The following PDE8B variants were observed in gnomAD, a reference collection of about 807,000 sequenced individuals.
PDE8B encodes high affinity cAMP-specific and IBMX-insensitive 3',5'-cyclic phosphodiesterase 8B.
In PDE8B, 26 loss-of-function variants were observed where a neutral mutation model predicts 101.3. The observed-to-expected ratio is 0.26, with a 90% CI of 0.19 to 0.36. PDE8B has a LOEUF of 0.36. Among genes scored for constraint, PDE8B ranks in the 10% least tolerant of loss-of-function variants. The pLI, the probability that PDE8B is intolerant of heterozygous loss-of-function variation, is 1.00. For missense variants in PDE8B, 810 were observed against 1,163.1 expected, an observed-to-expected ratio of 0.70 and a Z score of 4.42; for synonymous variants, 424 against 429.3, an observed-to-expected ratio of 0.99 and a Z score of 0.15.
At chr5:77,189,327 G>A in the PDE8B span, among the ~76,000 whole-genome samples, 1 of 152,230 alleles carries the variant, frequency 6.6e-6, no homozygotes, top group Non-Finnish European at 1.5e-5. Context: ...AGTCAAGAAG[G>A]AAAGGAGAGG....
chr5:77,136,825 C>T, the PDE8B span, among the ~76,000 whole-genome samples: 1 of 152,178 alleles, frequency 6.6e-6, no homozygotes, highest in Non-Finnish European at 1.5e-5. Context: ...CCATCATATA[C>T]TAGAAACTTC....
chr5:77,262,838 G>T (rs1231688228), intron 1 of PDE8B, among the ~76,000 whole-genome samples: 3 of 152,180 alleles, frequency 2.0e-5, no homozygotes, highest in Non-Finnish European at 4.4e-5. Context: ...GATCTGCTTT[G>T]TTTAGGACTG....
intron 15 of PDE8B, among the ~76,000 whole-genome samples, 180 bp downstream of exon 15, chr5:77,411,901 G>C (rs1014618075): frequency 6.6e-6 from 1 of 152,210 alleles, no homozygotes; most frequent in Non-Finnish European, 1.5e-5. Flanking sequence ...AGCACAGTTA[G>C]AGTAAGAATT....
chr5:77,094,137 A>G, the PDE8B span, among the ~76,000 whole-genome samples: 3 of 152,230 alleles, frequency 2.0e-5, no homozygotes, highest in East Asian at 5.8e-4. Flanking sequence ...GAAAAATGGA[A>G]TTAAAAGATA....
At chr5:77,106,215 A>G in the PDE8B span, 2 of 152,190 alleles carry the variant, frequency 1.3e-5, no homozygotes, top group Non-Finnish European at 2.9e-5. Flanking sequence ...TGTTGGTCTT[A>G]TGCTCTATTC....
intron 7 of PDE8B, among the ~76,000 whole-genome samples, chr5:77,345,648 G>T (rs1780004723): frequency 6.6e-6 from 1 of 152,216 alleles, no homozygotes; most frequent in South Asian, 2.1e-4. Flanking sequence ...CTAAGGAAAT[G>T]TGTGTAGCAG....
chr5:77,147,191 C>A, the PDE8B span: 1 of 321,296 alleles, frequency 3.1e-6, no homozygotes, highest in South Asian at 3.3e-5. Context: ...AGTTTTTTTT[C>A]TTGTCTAGAA....
At chr5:77,316,559 G>A (rs180803725) in intron 2 of PDE8B, among the ~76,000 whole-genome samples, 14 of 152,182 alleles carry the variant, frequency 9.2e-5, no homozygotes, top group Non-Finnish European at 1.8e-4. Context: ...TGCTTGCTTA[G>A]CAGTCAAATT....
intron 14 of PDE8B, among the ~76,000 whole-genome samples, chr5:77,411,354 C>T (rs114289526): frequency 3.2e-4 from 49 of 152,306 alleles, no homozygotes; most frequent in African/African-American, 1.2e-3. Context: ...AAGGTCACTC[C>T]TGTGATTTCA....
intron 1 of PDE8B, among the ~76,000 whole-genome samples, chr5:77,249,863 GC>G (rs1173904778): frequency 1.3e-5 from 2 of 152,190 alleles, no homozygotes; most frequent in Admixed American, 1.3e-4. Context: ...TGAAGTGTGT[GC>G]ATTTGATCTC....
chr5:77,110,395 C>A, the PDE8B span, among the ~76,000 whole-genome samples: 1 of 152,068 alleles, frequency 6.6e-6, no homozygotes. Flanking sequence ...CACATGGAAT[C>A]CATGGCCTGA....
intron 1 of PDE8B, among the ~76,000 whole-genome samples, chr5:77,230,038 T>C (rs1236913927): frequency 6.6e-6 from 1 of 152,214 alleles, no homozygotes; most frequent in Non-Finnish European, 1.5e-5. Flanking sequence ...GCCGTACCAG[T>C]TTCTCTTCCC....
At chr5:77,147,041 G>T in the PDE8B span, 1 of 450,774 alleles carries the variant, frequency 2.2e-6, no homozygotes, top group South Asian at 1.7e-5. Context: ...AATATGAAAA[G>T]GATATTGCCT....
chr5:77,342,511 A>G lies in PDE8B; in HGVS notation c.798-2342A>G, dbSNP rs764075180. Among the ~76,000 whole-genome samples the G allele has an allele frequency of 1.4e-5, 2 of 143,882 alleles. 1 individual carries two copies. Among genetic ancestry groups the G allele is most frequent in the Admixed American group, 1.4e-4 (2 of 14,580 alleles). 94.4% of individuals were successfully genotyped at this position (143,882 alleles called of 152,430 possible). On this transcript the variant is annotated intron_variant, in intron 6 of 21. Coordinates refer to ENST00000264917, the MANE Select transcript of PDE8B (RefSeq NM_003719.5). ...TGAGTGGAAAAAAATAACATTTTTC[A>G]GAGTTTTTTTTTTTAAAGAAAAAAC...
At chr5:77,158,688 C>A in the PDE8B span, among the ~76,000 whole-genome samples, 2 of 152,148 alleles carry the variant, frequency 1.3e-5, no homozygotes, top group Non-Finnish European at 2.9e-5. Context: ...CACACATGCA[C>A]GTTCCTAGGT....
In PDE8B at chr5:77,349,406, C is replaced by T; in HGVS notation, c.877-13C>T. ...TGTCCCCGCACTGATCTGTACCAACCTCCCATTAACAGTATGTCAACCCAG... is the reference window on the plus strand; with the variant it reads ...TGTCCCCGCACTGATCTGTACCAACTTCCCATTAACAGTATGTCAACCCAG... On this transcript the variant is annotated splice_polypyrimidine_tract_variant and intron_variant, in intron 7 of 21. Coordinates refer to ENST00000264917, the MANE Select transcript of PDE8B (RefSeq NM_003719.5). The T allele has an allele frequency of 6.2e-7, 1 of 1,614,106 alleles. No individual in the cohort carries two copies. Among genetic ancestry groups the T allele is most frequent in the Middle Eastern group, 1.7e-4 (1 of 6,010 alleles).
chr5:77,101,269 T>C, the PDE8B span, among the ~76,000 whole-genome samples: 1 of 151,702 alleles, frequency 6.6e-6, no homozygotes, highest in Non-Finnish European at 1.5e-5. Context: ...CTGCACCAGG[T>C]CAATTTTTTT....
In PDE8B at chr5:77,322,775, C is replaced by T. The variant is rs917760670; in HGVS notation, c.400-2764C>T. ...TCACATAGCACCTGTCATTTATTACCATTCTGTATAATGTGCTTACTTAAT... is the reference window on the plus strand; with the variant it reads ...TCACATAGCACCTGTCATTTATTACTATTCTGTATAATGTGCTTACTTAAT... On this transcript the variant is annotated intron_variant, in intron 2 of 21. Coordinates refer to ENST00000264917, the MANE Select transcript of PDE8B (RefSeq NM_003719.5). 3.3e-5 allele frequency among the ~76,000 whole-genome samples: 5 copies of T among 152,198 alleles called. No homozygotes were observed. In the East Asian group the frequency reaches 9.6e-4, roughly 29 times the overall value.
intron 6 of PDE8B, among the ~76,000 whole-genome samples, chr5:77,342,556 A>G (rs1191237250): frequency 6.6e-6 from 1 of 151,092 alleles, no homozygotes; most frequent in Non-Finnish European, 1.5e-5. Flanking sequence ...GTAAATCAAC[A>G]GTTTTTTTTT....
Sources: gnomAD v4.1 joint callset for allele counts (sites outside exome capture counted in the v4.1 genomes callset) on GRCh38, gnomAD v4.1.1 for gene constraint, MANE v1.5 for transcripts, NCBI Gene and HGNC (gene_info 2026-07-23, HGNC 2026-07-21) for gene names.